The following VCP variants were observed in gnomAD, a reference collection of about 807,000 sequenced individuals.
VCP encodes transitional endoplasmic reticulum ATPase.
A neutral mutation model predicts 85.7 loss-of-function variants in VCP; 6 were observed. The observed-to-expected ratio is 0.07, with a 90% CI of 0.04 to 0.14. The LOEUF is 0.14. Ranked by LOEUF, VCP falls within the 10% of genes least tolerant of loss-of-function variation. VCP has a pLI of 1.00. For synonymous variants in VCP, 384 were observed against 367.1 expected (o/e 1.05, Z -0.53); for missense variants, 353 against 1,043.4 (o/e 0.34, Z 9.12).
intron 1 of VCP, among the ~76,000 whole-genome samples, chr9:35,071,291 GTGTT>G (rs1373708376): frequency 4.2e-5 from 4 of 95,002 alleles, no homozygotes; most frequent in African/African-American, 1.7e-4. Context: ...TGGGCTGGCT[GTGTT>G]TTTTTTTTTT....
Position 35,062,366 on chromosome 9 carries a change from A to T in VCP, c.812-16T>A. The T allele has an allele frequency of 6.2e-7, 1 of 1,614,102 alleles. No individual in the cohort carries two copies. The highest frequency in any genetic ancestry group is 8.5e-7 in the Non-Finnish European group (1 of 1,180,028). Reference sequence around the variant, plus strand: ...ATCTCAGGACCTGAAAGGATACAGAATGGAGACAATAACAAAATGATAGTC... The same window carrying T: ...ATCTCAGGACCTGAAAGGATACAGATTGGAGACAATAACAAAATGATAGTC... On this transcript the variant is annotated splice_polypyrimidine_tract_variant and intron_variant, in intron 7 of 16. Coordinates refer to ENST00000358901, the MANE Select transcript of VCP (RefSeq NM_007126.5).
In VCP at chr9:35,072,295, G is replaced by C. The variant is rs1304247662; in HGVS notation, c.17+42C>G. 3 of 1,483,386 alleles carry C rather than the reference G, an allele frequency of 2.0e-6. No individual in the cohort carries two copies. The African/African-American group carries it at 4.4e-5, about 22-fold the overall frequency. 91.9% of individuals were successfully genotyped at this position (1,483,386 alleles called of 1,614,324 possible). A position where few individuals can be genotyped will look rare whatever the true frequency, so the allele number is the denominator to read the frequency against. On this transcript the variant is annotated intron_variant, in intron 1 of 16. Transcript: ENST00000358901. ...GGCCTACCCTGCGCGGCTGGTCCCG[G>C]TGCGCGCCGCCGCAGCAAGCGAACG...
Position 35,061,849 on chromosome 9 carries a change from G to C in VCP, c.1081+154C>G, listed in dbSNP as rs147398333. ...AAACCTTTCAGTCTCAGGAAAACCA[G>C]GGTGGTTGGTCACTCTAGACAGGAC... On this transcript the variant is annotated intron_variant, in intron 9 of 16. Coordinates refer to ENST00000358901, the MANE Select transcript of VCP (RefSeq NM_007126.5). Among the ~76,000 whole-genome samples the C allele has an allele frequency of 5.0e-3, 767 of 152,242 alleles. 13 individuals are homozygous for C. The highest frequency in any genetic ancestry group is 0.018 in the African/African-American group (741 of 41,526).
intron 12 of VCP, 65 bp from the exon 13 acceptor site, chr9:35,060,590 G>A (rs1179154757): frequency 6.4e-7 from 1 of 1,562,078 alleles, no homozygotes; most frequent in African/African-American, 1.4e-5. Context: ...TAACTAAACA[G>A]AAGCATCCCC....
rs1453879179 is a variant in VCP, at chr9:35,059,319, C to G, written c.2005-100G>C. On this transcript the variant is annotated intron_variant, in intron 14 of 16. Coordinates refer to ENST00000358901, the MANE Select transcript of VCP (RefSeq NM_007126.5). The surrounding 1 kb of genome is among the most constrained non-coding windows in gnomAD (Gnocchi z 4.9). ...CACTCCCAACTACAGTTTGCCCCTT[C>G]TTTGGCCACCCCATTTTATTCCTGA... is the stretch of plus-strand genomic sequence containing the variant. 3.2e-6 allele frequency: 5 copies of G among 1,565,676 alleles called. No individual in the cohort carries two copies. Among genetic ancestry groups the G allele is most frequent in the Non-Finnish European group, 4.3e-6 (5 of 1,151,258 alleles).
rs953898452 is a variant in VCP, at chr9:35,056,089, T to C, written c.*1028A>G. ...TTTTATATTAACAAAAAGTTTTTTT[T>C]TTTTAATCAAAGTACATAAAATAAA... is the stretch of plus-strand genomic sequence containing the variant. On this transcript the variant is annotated 3_prime_UTR_variant, in exon 17 of 17. Coordinates refer to ENST00000358901, the MANE Select transcript of VCP (RefSeq NM_007126.5). The C allele has an allele frequency of 1.3e-5, 2 of 152,166 alleles. No homozygotes were observed. The highest frequency in any genetic ancestry group is 2.9e-5 in the Non-Finnish European group (2 of 68,034). 9.4% of individuals were successfully genotyped at this position (152,166 alleles called of 1,614,324 possible).
chr9:35,067,404 C>A (rs1191220858), intron 3 of VCP, among the ~76,000 whole-genome samples: 1 of 152,046 alleles, frequency 6.6e-6, no homozygotes, highest in Non-Finnish European at 1.5e-5. Flanking sequence ...TGAGAGCTAT[C>A]CCAGGTCTGG....
intron 4 of VCP, 96 bp downstream of exon 4, chr9:35,066,579 A>AT (rs1030893590): frequency 2.0e-4 from 281 of 1,384,592 alleles, no homozygotes; most frequent in African/African-American, 1.4e-4. Flanking sequence ...AGCATAAAAG[A>AT]TTTAAAAAAA....
rs1215503670 is a variant in VCP at position 35,056,976 on chromosome 9, G to A, written c.*141C>T. ...TTGCAACAGAAACCCCCTGTCCAGA[G>A]TCAGACTGTAGCTGAACTGTTCAGA... On this transcript the variant is annotated 3_prime_UTR_variant, in exon 17 of 17. Coordinates refer to ENST00000358901, the MANE Select transcript of VCP (RefSeq NM_007126.5). 1.2e-6 allele frequency: 1 copy of A among 834,308 alleles called. No individual in the cohort carries two copies. Among genetic ancestry groups the A allele is most frequent in the Non-Finnish European group, 2.0e-6 (1 of 494,952 alleles). 51.7% of individuals were successfully genotyped at this position (834,308 alleles called of 1,614,324 possible).
rs561343814 is a variant in VCP at position 35,057,368 on chromosome 9, C to T, written c.2315+8G>A. The T allele has an allele frequency of 2.5e-6, 4 of 1,614,250 alleles. No homozygotes were observed. The highest frequency in any genetic ancestry group is 3.4e-6 in the Non-Finnish European group (4 of 1,180,052). On this transcript the variant is annotated splice_region_variant and intron_variant, in intron 16 of 16. Coordinates refer to ENST00000358901, the MANE Select transcript of VCP (RefSeq NM_007126.5). ...TTAAGCACTGTCTAATGCTCCCAAC[C>T]AACTTACCTGAAGCTGCCAAAGCCC...
chr9:35,061,934 G>GAC, intron 9 of VCP, 69 bp downstream of exon 9: 2 of 1,612,562 alleles, frequency 1.2e-6, no homozygotes, highest in South Asian at 2.2e-5. Context: ...AAGAGGATTA[G>GAC]GTGACTTAGA....
intron 7 of VCP, 109 bp from the exon 8 acceptor site, chr9:35,062,459 G>A (rs904080538): frequency 1.3e-6 from 2 of 1,549,946 alleles, no homozygotes; most frequent in African/African-American, 2.7e-5. Context: ...TGGGTGAGAA[G>A]GTGGTAACCT....
At chr9:35,066,471 C>A (rs555422871) in intron 4 of VCP, among the ~76,000 whole-genome samples, 1 of 151,822 alleles carries the variant, frequency 6.6e-6, no homozygotes, top group Non-Finnish European at 1.5e-5. Flanking sequence ...AAGTGATCCA[C>A]CCGCCTCAGC....
At chr9:35,071,291 GTGTTT>G (rs1326955423) in intron 1 of VCP, among the ~76,000 whole-genome samples, 52 of 95,016 alleles carry the variant, frequency 5.5e-4, no homozygotes, top group African/African-American at 2.0e-3. Flanking sequence ...TGGGCTGGCT[GTGTTT>G]TTTTTTTTTT....
chr9:35,058,380 C>T (rs1026392811), intron 15 of VCP, among the ~76,000 whole-genome samples: 1 of 152,184 alleles, frequency 6.6e-6, no homozygotes, highest in African/African-American at 2.4e-5. Flanking sequence ...CTTTATGGAA[C>T]TTACAAACAC....
Position 35,060,385 on chromosome 9 carries a change from G to A in VCP, c.1623C>T (p.Ser541=). The change falls in exon 13 of 17, where the codon TCC becomes TCT. Residue 541 remains serine, a synonymous_variant. Transcript: ENST00000358901. ...IANECQANFI[S]IKGPELLTMW... is the part of the protein sequence containing the mutation. ...TGGTGAGCAGCTCAGGACCCTTGAT[G>A]GAGATGAAGTTGGCCTGGCATTCAT... is the stretch of plus-strand genomic sequence containing the variant. 6.2e-7 allele frequency: 1 copy of A among 1,614,260 alleles called. No individual in the cohort carries two copies. Among genetic ancestry groups the A allele is most frequent in the South Asian group, 1.1e-5 (1 of 91,090 alleles).
chr9:35,060,221 C>G, intron 13 of VCP, 92 bp downstream of exon 13: 1 of 1,304,352 alleles, frequency 7.7e-7, no homozygotes, highest in Non-Finnish European at 1.1e-6. Flanking sequence ...GAGCAGCCAG[C>G]ACTAAGAATA....
intron 4 of VCP, among the ~76,000 whole-genome samples, chr9:35,066,260 G>C (rs1412887688): frequency 2.5e-5 from 3 of 119,428 alleles, no homozygotes; most frequent in Non-Finnish European, 3.5e-5. Context: ...GTGAGACCCT[G>C]TCTCTTTTTT....
In VCP at chr9:35,059,818, T is replaced by C. The variant is rs1325905021; in HGVS notation, c.1696-17A>G. The C allele has an allele frequency of 6.2e-7, 1 of 1,614,000 alleles. No homozygotes were observed. Among genetic ancestry groups the C allele is most frequent in the Non-Finnish European group, 8.5e-7 (1 of 1,180,010 alleles). ...TTGGCGGGCCTGTAGGAGGAATGGA[T>C]TGATTCAAGCACTAACAAAACTAGA... On this transcript the variant is annotated splice_polypyrimidine_tract_variant and intron_variant, in intron 13 of 16. Transcript: ENST00000358901. The surrounding 1 kb of genome is among the most constrained non-coding windows in gnomAD (Gnocchi z 4.9).
Sources: allele counts gnomAD v4.1 joint callset (sites outside exome capture counted in the v4.1 genomes callset), GRCh38; gene constraint gnomAD v4.1.1; non-coding constraint Gnocchi (gnomAD v3.1); transcripts MANE v1.5; gene names NCBI Gene and HGNC (gene_info 2026-07-23, HGNC 2026-07-21).